The following MAST2 variants were observed in gnomAD, a reference collection of about 807,000 sequenced individuals.
The protein encoded by MAST2 is microtubule associated serine/threonine kinase 2, also known as microtubule-associated serine/threonine-protein kinase 2.
Under a neutral mutation model 147.4 loss-of-function variants are expected in MAST2, and 70 were observed. The ratio of observed to expected loss-of-function variants is 0.47; its 90% confidence interval spans 0.39 to 0.58. The LOEUF is 0.58. Among genes scored for constraint, MAST2 ranks in the 20% least tolerant of loss-of-function variants. The probability of loss-of-function intolerance (pLI) is 0.00; values close to 1 mark genes in which losing one functional copy is unlikely to be tolerated. For missense variants in MAST2, 2,080 were observed against 2,302.3 expected (o/e 0.90, Z 1.98); for synonymous variants, 869 against 896.8 (o/e 0.97, Z 0.55).
intron 4 of MAST2, among the ~76,000 whole-genome samples, chr1:45,885,754 G>A (rs1217932694): frequency 6.6e-6 from 1 of 152,080 alleles, no homozygotes; most frequent in Non-Finnish European, 1.5e-5. Context: ...TTTAGTTCCA[G>A]TTAGGTGTAG....
At chr1:46,029,632 A>G (rs1473471714) in intron 19 of MAST2, 65 bp downstream of exon 19, 3 of 1,499,464 alleles carry the variant, frequency 2.0e-6, no homozygotes, top group Non-Finnish European at 2.7e-6. Context: ...TGAGTCATGT[A>G]CCCTGGAGGT....
At position 45,913,032 on chromosome 1, in the gene MAST2, A is replaced by T. The variant is rs534897576; in HGVS notation, c.500+30637A>T. Among the ~76,000 whole-genome samples, 104 of 152,258 alleles carry T rather than the reference A, an allele frequency of 6.8e-4. 1 individual carries two copies. The highest frequency in any genetic ancestry group is 2.3e-3 in the African/African-American group (95 of 41,554). On this transcript the variant is annotated intron_variant, in intron 4 of 28. Coordinates refer to ENST00000361297, the MANE Select transcript of MAST2 (RefSeq NM_015112.3). Reference sequence around the variant, plus strand: ...CTTCTGCAACTTACCTTAAACATTAATGGATGAAATTAAGCTAGTTTCTGG... The same window carrying T: ...CTTCTGCAACTTACCTTAAACATTATTGGATGAAATTAAGCTAGTTTCTGG...
chr1:45,973,463 A>G (rs745468935), intron 5 of MAST2, among the ~76,000 whole-genome samples: 1 of 152,210 alleles, frequency 6.6e-6, no homozygotes, highest in Non-Finnish European at 1.5e-5. Context: ...AACCTTCGAT[A>G]ACTATATTGA....
chr1:45,916,830 C>A (rs905067086), intron 4 of MAST2, among the ~76,000 whole-genome samples: 1 of 152,144 alleles, frequency 6.6e-6, no homozygotes, highest in African/African-American at 2.4e-5. Context: ...GTAATCCCAG[C>A]ACTTTTAGGA....
intron 4 of MAST2, among the ~76,000 whole-genome samples, chr1:45,935,606 A>G (rs766757530): frequency 4.3e-4 from 65 of 152,352 alleles, no homozygotes; most frequent in Admixed American, 1.3e-3. Context: ...AACATTCTGC[A>G]TACGGCTAGC....
chr1:46,002,756 T>C, intron 6 of MAST2, 49 bp from the exon 7 acceptor site: 1 of 1,552,326 alleles, frequency 6.4e-7, no homozygotes, highest in Non-Finnish European at 8.9e-7. Flanking sequence ...AGGTTGTGGG[T>C]CAGGGTGTAG....
chr1:45,915,485 CG>C (rs1443283266), intron 4 of MAST2, among the ~76,000 whole-genome samples: 1 of 152,026 alleles, frequency 6.6e-6, no homozygotes, highest in African/African-American at 2.4e-5. Flanking sequence ...CCGAGGCGGG[CG>C]GATCACGAGG....
At chr1:45,902,460 C>T (rs944562416) in intron 4 of MAST2, among the ~76,000 whole-genome samples, 2 of 151,906 alleles carry the variant, frequency 1.3e-5, no homozygotes, top group African/African-American at 4.8e-5. Context: ...GTGTCCTTCT[C>T]AGATTTTGGT....
chr1:46,029,652 G>A (rs1425861920), intron 19 of MAST2, 85 bp downstream of exon 19: 24 of 1,419,400 alleles, frequency 1.7e-5, no homozygotes, highest in Middle Eastern at 1.9e-4. Context: ...TTCAGGCTTC[G>A]GTTACGGGCA....
chr1:45,854,211 C>G (rs889520154), intron 3 of MAST2, among the ~76,000 whole-genome samples: 6 of 151,962 alleles, frequency 3.9e-5, no homozygotes, highest in African/African-American at 1.5e-4. Context: ...ATGGTTCATG[C>G]CTGTAATCTC....
chr1:46,017,056 G>T (rs1469073835), intron 10 of MAST2, among the ~76,000 whole-genome samples: 1 of 152,038 alleles, frequency 6.6e-6, no homozygotes, highest in Non-Finnish European at 1.5e-5. Flanking sequence ...ACAAACCTGA[G>T]AAAAATAAGC....
At chr1:45,997,354 T>G (rs1271519331) in intron 5 of MAST2, among the ~76,000 whole-genome samples, 1 of 152,186 alleles carries the variant, frequency 6.6e-6, no homozygotes, top group Non-Finnish European at 1.5e-5. Context: ...TGTTGCCCTT[T>G]GAGAAAGTGT....
intron 4 of MAST2, among the ~76,000 whole-genome samples, chr1:45,954,664 C>T (rs960977238): frequency 6.6e-6 from 1 of 152,114 alleles, no homozygotes; most frequent in Non-Finnish European, 1.5e-5. Context: ...ATGGCCAGAG[C>T]CTGTTGAAAT....
intron 4 of MAST2, among the ~76,000 whole-genome samples, chr1:45,883,715 A>G (rs1238643624): frequency 6.6e-6 from 1 of 152,066 alleles, no homozygotes; most frequent in African/African-American, 2.4e-5. Context: ...GGCACATTTT[A>G]AATTTTAAAT....
chr1:45,994,274 CTTTTTTTT>C (rs869216588), intron 5 of MAST2, among the ~76,000 whole-genome samples: 25 of 62,028 alleles, frequency 4.0e-4, no homozygotes, highest in South Asian at 8.4e-4. Context: ...CCCTAACCCT[CTTTTTTTT>C]TTTTTTTTTT....
rs757065484 is a variant in MAST2 at position 46,031,360 on chromosome 1, C to T, written c.2993-31C>T. ...GCAGGGCAGGGAGGCTCAGCGGCATCGCGGGTCTCACTGCTTACTTGGGCC... is the reference window on the plus strand; with the variant it reads ...GCAGGGCAGGGAGGCTCAGCGGCATTGCGGGTCTCACTGCTTACTTGGGCC... On this transcript the variant is annotated intron_variant, in intron 23 of 28. Coordinates refer to ENST00000361297, the MANE Select transcript of MAST2 (RefSeq NM_015112.3). The surrounding 1 kb of genome is among the most constrained non-coding windows in gnomAD (Gnocchi z 4.1). 19 of 1,590,286 alleles carry T rather than the reference C, an allele frequency of 1.2e-5. No individual in the cohort carries two copies. Among genetic ancestry groups the T allele is most frequent in the African/African-American group, 8.0e-5 (6 of 74,684 alleles).
At chr1:45,941,668 C>CCATTTGTTTTTT (rs1657297235) in intron 4 of MAST2, among the ~76,000 whole-genome samples, 1 of 151,666 alleles carries the variant, frequency 6.6e-6, no homozygotes, top group Admixed American at 6.6e-5. Context: ...TTGTTTATTC[C>CCATTTGTTTTTT]TATTTGTTTT....
intron 5 of MAST2, among the ~76,000 whole-genome samples, chr1:45,973,434 G>A (rs1176300734): frequency 1.3e-5 from 2 of 152,040 alleles, no homozygotes; most frequent in African/African-American, 2.4e-5. Context: ...ATTTGATCCT[G>A]GGACCTTTAA....
At chr1:45,927,389 A>G (rs530793671) in intron 4 of MAST2, among the ~76,000 whole-genome samples, 2 of 152,180 alleles carry the variant, frequency 1.3e-5, no homozygotes, top group Admixed American at 6.5e-5. Flanking sequence ...ACTGGGGTCT[A>G]TTTCACCCCT....
Sources: gnomAD v4.1 joint callset for allele counts (sites outside exome capture counted in the v4.1 genomes callset) on GRCh38, gnomAD v4.1.1 for gene constraint, Gnocchi (gnomAD v3.1) non-coding constraint, MANE v1.5 for transcripts, NCBI Gene and HGNC (gene_info 2026-07-23, HGNC 2026-07-21) for gene names.